SYNE2: variants seen among roughly 807,000 people sequenced by gnomAD.
The protein encoded by SYNE2 is nesprin-2.
In SYNE2, 431 loss-of-function variants were observed where a neutral mutation model predicts 856.3. The ratio of observed to expected loss-of-function variants is 0.50; its 90% CI spans 0.47 to 0.55. The LOEUF (loss-of-function observed/expected upper bound fraction) is 0.55. SYNE2 is among the 20% of genes least tolerant of loss of function. The probability of loss-of-function intolerance (pLI) is 0.00; values close to 1 mark genes in which losing one functional copy is unlikely to be tolerated. For missense variants in SYNE2, 8,129 were observed against 8,023.2 expected (o/e 1.01, Z -0.50); for synonymous variants, 2,923 against 2,872.3 (o/e 1.02, Z -0.56).
chr14:64,017,409 GTTTTAT>G (rs1324109667), intron 33 of SYNE2, among the ~76,000 whole-genome samples, 180 bp from the exon 34 acceptor site: 1 of 150,150 alleles, frequency 6.7e-6, no homozygotes, highest in Non-Finnish European at 1.5e-5. Context: ...AATCAGGTAA[GTTTTAT>G]TTTTATTTTT....
intron 1 of SYNE2, chr14:63,864,528 T>C (rs1484106334): frequency 3.9e-5 from 6 of 152,232 alleles, no homozygotes; most frequent in Non-Finnish European, 8.8e-5. Flanking sequence ...TGTGTTTTCT[T>C]AGCAACTGCT....
intron 24 of SYNE2, 59 bp downstream of exon 24, chr14:63,997,217 A>C: frequency 6.3e-7 from 1 of 1,588,484 alleles, no homozygotes; most frequent in Non-Finnish European, 8.6e-7. Context: ...TTGCACGATC[A>C]AATGACATTA....
chr14:64,025,219 G>A lies in SYNE2; in HGVS notation c.6050G>A (p.Cys2017Tyr), dbSNP rs1471698951. The A allele has an allele frequency of 4.3e-6, 7 of 1,614,082 alleles. No homozygotes were observed. The South Asian group carries it at 6.6e-5, about 15-fold the overall frequency. Residue 2017 changes from cysteine to tyrosine, a missense_variant, in exon 41 of 116, where the codon TGT becomes TAT. Around this residue, in one of 3 missense-constraint regions of SYNE2, gnomAD observed 2,422 missense variants for 2,357.4 expected, o/e 1.03. Coordinates refer to ENST00000555002, the MANE Select transcript of SYNE2 (RefSeq NM_182914.3). ...GAAGAAATAATAATGGAAGCAACAT[G>A]TTTGATGGATAGATACCAGACATTA... is the stretch of plus-strand genomic sequence containing the variant. ...EEEEIIMEAT[C>Y]LMDRYQTLLR...
chr14:64,140,914 A>G (rs1201756924), intron 80 of SYNE2, among the ~76,000 whole-genome samples: 2 of 151,526 alleles, frequency 1.3e-5, no homozygotes, highest in African/African-American at 4.8e-5. Context: ...TTTATTTTTC[A>G]TACTTCGTAG....
At chr14:63,935,905 C>G (rs764492759) in intron 2 of SYNE2, among the ~76,000 whole-genome samples, 4 of 152,104 alleles carry the variant, frequency 2.6e-5, no homozygotes, top group Non-Finnish European at 5.9e-5. Context: ...GACGGAGTCT[C>G]GCTCTGTCAC....
intron 60 of SYNE2, among the ~76,000 whole-genome samples, chr14:64,092,583 C>T (rs899073705): frequency 1.3e-5 from 2 of 152,126 alleles, no homozygotes; most frequent in East Asian, 1.9e-4. Context: ...GGAAGAATTT[C>T]GTGTTGGCTA....
intron 66 of SYNE2, among the ~76,000 whole-genome samples, chr14:64,117,056 TTG>T (rs1212358466): frequency 6.6e-6 from 1 of 152,094 alleles, no homozygotes; most frequent in Non-Finnish European, 1.5e-5. Flanking sequence ...TCTGTGGGGG[TTG>T]TGTTACAAGA....
chr14:63,765,110 G>T (rs1210708105), intron 1 of SYNE2, among the ~76,000 whole-genome samples: 1 of 152,118 alleles, frequency 6.6e-6, no homozygotes, highest in Non-Finnish European at 1.5e-5. Context: ...ACGGGAGAGA[G>T]GGGGAGAAAT....
At chr14:64,138,163 GAC>G (rs2098111474) in intron 79 of SYNE2, among the ~76,000 whole-genome samples, 180 bp downstream of exon 79, 1 of 152,160 alleles carries the variant, frequency 6.6e-6, no homozygotes, top group African/African-American at 2.4e-5. Context: ...TGGTTTGCTA[GAC>G]ACAGTATAAC....
intron 27 of SYNE2, among the ~76,000 whole-genome samples, chr14:63,999,612 G>C (rs2096738708): frequency 6.6e-6 from 1 of 152,224 alleles, no homozygotes; most frequent in African/African-American, 2.4e-5. Context: ...AGAAACAACA[G>C]AAAGAAGCAA....
Position 64,168,941 on chromosome 14 carries a change from A to G in SYNE2, c.16970A>G (p.Gln5657Arg). The change falls in exon 93 of 116, where the codon CAA becomes CGA. Residue 5657 changes from glutamine to arginine, a missense_variant. By Grantham distance (43) the Gln-to-Arg change is conservative. Coordinates refer to ENST00000555002, the MANE Select transcript of SYNE2 (RefSeq NM_182914.3). ...GATTCCTATGTCACCCAGTCCTTAC[A>G]ACTCCTGGACACAACAGAAATAGAG... ...IADSYVTQSL[Q>R]LLDTTEIENR... 1 of 1,614,100 alleles carries G rather than the reference A, an allele frequency of 6.2e-7. No individual in the cohort carries two copies. The highest frequency in any genetic ancestry group is 8.5e-7 in the Non-Finnish European group (1 of 1,179,952).
intron 52 of SYNE2, among the ~76,000 whole-genome samples, chr14:64,072,952 A>G (rs1052749446): frequency 6.6e-6 from 1 of 152,218 alleles, no homozygotes; most frequent in African/African-American, 2.4e-5. Flanking sequence ...AAGGATACAG[A>G]TAAACAGCCA....
chr14:64,005,653 G>T lies in SYNE2; in HGVS notation c.4398-1390G>T, dbSNP rs546284920. 2.6e-5 allele frequency among the ~76,000 whole-genome samples: 4 copies of T among 152,306 alleles called. No individual in the cohort carries two copies. In the South Asian group the frequency reaches 6.2e-4, roughly 24 times the overall value. ...ATTAGGTGTGCTCAGTTTTAGAAAT[G>T]ATATATTCAAGATACTTATTAGACA... is the stretch of plus-strand genomic sequence containing the variant. On this transcript the variant is annotated intron_variant, in intron 30 of 115. Coordinates refer to ENST00000555002, the MANE Select transcript of SYNE2 (RefSeq NM_182914.3).
intron 8 of SYNE2, chr14:63,956,382 T>A (rs545131742): frequency 3.3e-5 from 15 of 456,342 alleles, no homozygotes; most frequent in African/African-American, 2.4e-4. Flanking sequence ...TAATATAATT[T>A]GTGCATTTAT....
Position 63,949,058 on chromosome 14 carries a change from T to C in SYNE2, c.409-767T>C, listed in dbSNP as rs555309237. On this transcript the variant is annotated intron_variant, in intron 6 of 115. Coordinates refer to ENST00000555002, the MANE Select transcript of SYNE2 (RefSeq NM_182914.3). ...CAGATCAAGTTTGTTAATTGTGTTGTTGACATCTGTTATTATGGATTGTCT... is the reference window on the plus strand; with the variant it reads ...CAGATCAAGTTTGTTAATTGTGTTGCTGACATCTGTTATTATGGATTGTCT... 6.9e-4 allele frequency among the ~76,000 whole-genome samples: 105 copies of C among 152,118 alleles called. 1 individual carries two copies. Among genetic ancestry groups the C allele is most frequent in the African/African-American group, 2.4e-3 (101 of 41,516 alleles).
At chr14:64,092,444 A>G (rs370553520) in intron 60 of SYNE2, among the ~76,000 whole-genome samples, 1 of 152,172 alleles carries the variant, frequency 6.6e-6, no homozygotes, top group Non-Finnish European at 1.5e-5. Flanking sequence ...AAATAAGACA[A>G]ATTCCTTTTG....
chr14:64,061,620 A>G (rs927359678), intron 49 of SYNE2, among the ~76,000 whole-genome samples: 3 of 151,958 alleles, frequency 2.0e-5, no homozygotes, highest in African/African-American at 2.4e-5. Flanking sequence ...AATTAGTTTG[A>G]TCTCTTTTTT....
chr14:64,144,474 A>G (rs2098165144), intron 83 of SYNE2, among the ~76,000 whole-genome samples: 1 of 152,352 alleles, frequency 6.6e-6, no homozygotes, highest in East Asian at 1.9e-4. Context: ...TACACAATTA[A>G]GATACAAGTA....
intron 85 of SYNE2, among the ~76,000 whole-genome samples, chr14:64,156,998 T>C (rs1213700658): frequency 6.6e-6 from 1 of 152,220 alleles, no homozygotes; most frequent in Non-Finnish European, 1.5e-5. Flanking sequence ...GCTGTGTGAT[T>C]GTACCCAAAA....
Sources: gnomAD v4.1 joint callset for allele counts (sites outside exome capture counted in the v4.1 genomes callset) on GRCh38, gnomAD v4.1.1 for gene constraint, gnomAD v4.1.1 regional missense constraint, MANE v1.5 for transcripts, NCBI Gene and HGNC (gene_info 2026-07-23, HGNC 2026-07-21) for gene names.